VPS51: variants seen among roughly 807,000 people sequenced by gnomAD.
The protein encoded by VPS51 is VPS51 subunit of GARP complex, also known as vacuolar protein sorting-associated protein 51 homolog.
Under a neutral mutation model 65.1 loss-of-function variants are expected in VPS51, and 55 were observed. That is an observed-to-expected ratio of 0.84 (90% CI 0.68 to 1.06). The LOEUF (loss-of-function observed/expected upper bound fraction) is 1.06, where lower values mean the gene tolerates loss of function less well. Ranked by LOEUF, VPS51 falls within the 50% of genes least tolerant of loss-of-function variation. VPS51 has a pLI of 0.00. For synonymous variants in VPS51, 473 were observed against 489.5 expected, an observed-to-expected ratio of 0.97 and a Z score of 0.44; for missense variants, 943 against 1,101.6, an observed-to-expected ratio of 0.86 and a Z score of 2.04.
At position 65,096,214 on chromosome 11, in the gene VPS51, C is replaced by T. The variant is rs544525817; in HGVS notation, c.-37C>T. 51 of 1,512,860 alleles carry T rather than the reference C, an allele frequency of 3.4e-5. No homozygotes were observed. In the Admixed American group the frequency reaches 6.0e-4, roughly 18 times the overall value. 93.7% of individuals were successfully genotyped at this position (1,512,860 alleles called of 1,614,324 possible). A position where few individuals can be genotyped will look rare whatever the true frequency, so the allele number is the denominator to read the frequency against. On this transcript the variant is annotated 5_prime_UTR_variant, in exon 1 of 10. Transcript: ENST00000279281. ...GAAGTGCCTCCTCCCCGTCCCCTTCCTTTCCAGCCTCACGCCCGTGGGCTG... is the reference window on the plus strand; with the variant it reads ...GAAGTGCCTCCTCCCCGTCCCCTTCTTTTCCAGCCTCACGCCCGTGGGCTG...
At position 65,107,372 on chromosome 11, in the gene VPS51, T is replaced by C; in HGVS notation, c.359-209T>C. 1 of 648,580 alleles carries C rather than the reference T, an allele frequency of 1.5e-6. No homozygotes were observed. Among genetic ancestry groups the C allele is most frequent in the Non-Finnish European group, 2.7e-6 (1 of 368,166 alleles). 40.2% of individuals were successfully genotyped at this position (648,580 alleles called of 1,614,324 possible). On this transcript the variant is annotated intron_variant, in intron 2 of 9. Transcript: ENST00000279281. This position sits in a 1 kb window ranked among gnomAD's most constrained non-coding sequence, Gnocchi z 4.0. ...CAGGGTTAGGGGGTTACGGGGAGTA[T>C]GTGAGTAACGCCTGCTTTGGGAACA...
At position 65,096,429 on chromosome 11, in the gene VPS51, C is replaced by T. The variant is rs746159343; in HGVS notation, c.179C>T (p.Pro60Leu). Reference sequence around the variant, plus strand: ...CCCGCGGGGCCCGACCCCCTGGACCCGACTGATCTGAACGGGGCGCACTTC... The same window carrying T: ...CCCGCGGGGCCCGACCCCCTGGACCTGACTGATCTGAACGGGGCGCACTTC... ...GRPAGPDPLD[P>L]TDLNGAHFDP... Residue 60 changes from proline (P) to leucine (L), a missense_variant, in exon 1 of 10, where the codon CCG becomes CTG. This residue lies in a region of VPS51 where 855 missense variants were observed against 953.7 expected (regional missense o/e 0.90). Transcript: ENST00000279281. The T allele has an allele frequency of 1.3e-6, 2 of 1,557,182 alleles. No individual in the cohort carries two copies. Among genetic ancestry groups the T allele is most frequent in the South Asian group, 1.2e-5 (1 of 84,382 alleles).
At position 65,109,721 on chromosome 11, in the gene VPS51, C is replaced by T. The variant is rs139150785; in HGVS notation, c.1676C>T (p.Thr559Met). The T allele has an allele frequency of 8.5e-4, 1,345 of 1,574,254 alleles. 1 individual carries two copies. Among genetic ancestry groups the T allele is most frequent in the Non-Finnish European group, 1.1e-3 (1,280 of 1,159,492 alleles). ...TTGGCTCAGGATCAGTTCCCAGTGACGCCCGTGAGCACGCTGTGTGCAGAG... is the reference window on the plus strand; with the variant it reads ...TTGGCTCAGGATCAGTTCCCAGTGATGCCCGTGAGCACGCTGTGTGCAGAG... ...QFLVQDQFPVTPVSTLCAEAR... is the reference protein window; with the variant it reads ...QFLVQDQFPVMPVSTLCAEAR... Residue 559 changes from threonine to methionine, a missense_variant, in exon 7 of 10, where the codon ACG (threonine) becomes ATG (methionine). Around this residue, in one of 2 missense-constraint regions of VPS51, gnomAD observed 855 missense variants for 953.7 expected, o/e 0.90. Transcript: ENST00000279281.
Position 65,107,230 on chromosome 11 carries a change from C to G in VPS51, c.359-351C>G, listed in dbSNP as rs562231349. On this transcript the variant is annotated intron_variant, in intron 2 of 9. Transcript: ENST00000279281. This position sits in a 1 kb window ranked among gnomAD's most constrained non-coding sequence, Gnocchi z 4.0. ...AGATGCGCTTGGGAGCCAGCGGTCC[C>G]TGCCTTGGCTGCTTGTGGTCTGATG... The G allele has an allele frequency of 4.0e-6, 2 of 505,844 alleles. No individual in the cohort carries two copies. The highest frequency in any genetic ancestry group is 3.8e-5 in the African/African-American group (2 of 52,030). 31.3% of individuals were successfully genotyped at this position (505,844 alleles called of 1,614,324 possible). A position where few individuals can be genotyped will look rare whatever the true frequency, so the allele number is the denominator to read the frequency against.
chr11:65,110,439 C>A (rs1403231655), intron 7 of VPS51, 43 bp from the exon 8 acceptor site: 2 of 1,613,308 alleles, frequency 1.2e-6, no homozygotes, highest in Non-Finnish European at 1.7e-6. Context: ...CTGGTGGTTT[C>A]CCCTGACTCG....
At position 65,109,373 on chromosome 11, in the gene VPS51, G is replaced by A; in HGVS notation, c.1537G>A (p.Gly513Arg). 1.9e-6 allele frequency: 3 copies of A among 1,612,858 alleles called. No homozygotes were observed. The highest frequency in any genetic ancestry group is 2.5e-6 in the Non-Finnish European group (3 of 1,180,006). ...QTAQSFCDSPGEKGGATPPAL... is the reference protein window; with the variant it reads ...QTAQSFCDSPREKGGATPPAL... ...GGCTCAGAGCTTCTGCGACAGCCCT[G>A]GGGAGAAGGGGGGTGCCACACCACC... The change falls in exon 6 of 10, where the codon GGG becomes AGG. Residue 513 changes from glycine to arginine, a missense_variant. By Grantham distance (125) the Gly-to-Arg change is moderately radical. Around this residue, in one of 2 missense-constraint regions of VPS51, gnomAD observed 855 missense variants for 953.7 expected, o/e 0.90. Transcript: ENST00000279281.
chr11:65,106,750 C>CAA lies in VPS51; in HGVS notation c.359-817_359-816dup, dbSNP rs34281986. Among the ~76,000 whole-genome samples the CAA allele has an allele frequency of 8.1e-3, 1,061 of 131,530 alleles. 27 individuals are homozygous for CAA. In the East Asian group the frequency reaches 0.089, roughly 11 times the overall value. The allele number at this position is 131,530 out of a possible 152,430, so 86.3% of individuals were successfully genotyped here. ...TGGGCGACAGAGCGAGACTCAGTCT[C>CAA]AAAAAAAAAAAAAAAGAATAGGTGG... On this transcript the variant is annotated intron_variant, in intron 2 of 9. Transcript: ENST00000279281.
rs1480822231 is a variant in VPS51, at chr11:65,107,360, T to C, written c.359-221T>C. On this transcript the variant is annotated intron_variant, in intron 2 of 9. Transcript: ENST00000279281. The surrounding 1 kb of genome is among the most constrained non-coding windows in gnomAD (Gnocchi z 4.0). ...TCTCCTGGGCACCAGGGTTAGGGGGTTACGGGGAGTATGTGAGTAACGCCT... is the reference window on the plus strand; with the variant it reads ...TCTCCTGGGCACCAGGGTTAGGGGGCTACGGGGAGTATGTGAGTAACGCCT... The C allele has an allele frequency of 1.6e-6, 1 of 637,088 alleles. No individual in the cohort carries two copies. Among genetic ancestry groups the C allele is most frequent in the South Asian group, 1.7e-5 (1 of 57,736 alleles). The allele number at this position is 637,088 out of a possible 1,614,324, so 39.5% of individuals were successfully genotyped here.
chr11:65,110,875 G>A, intron 9 of VPS51, 94 bp downstream of exon 9: 2 of 1,478,326 alleles, frequency 1.4e-6, no homozygotes, highest in Non-Finnish European at 1.9e-6. Flanking sequence ...AGGACTCTGT[G>A]ACCAACTGGG....
intron 2 of VPS51, among the ~76,000 whole-genome samples, chr11:65,102,139 T>G (rs1380828645): frequency 6.6e-6 from 1 of 151,654 alleles, no homozygotes; most frequent in African/African-American, 2.4e-5. Context: ...TGTCTTAGGC[T>G]TCCAAGTACC....
intron 2 of VPS51, 121 bp downstream of exon 2, chr11:65,097,248 A>G: frequency 7.0e-7 from 1 of 1,423,256 alleles, no homozygotes; most frequent in Non-Finnish European, 9.6e-7. Flanking sequence ...TCCTGACATT[A>G]TTCCATTCTC....
chr11:65,108,549 C>T lies in VPS51; in HGVS notation c.1078C>T (p.Gln360Ter), dbSNP rs1947861978. The T allele has an allele frequency of 3.2e-6, 5 of 1,571,858 alleles. No individual in the cohort carries two copies. The highest frequency in any genetic ancestry group is 4.3e-6 in the Non-Finnish European group (5 of 1,166,138). The change falls in exon 5 of 10, where the codon CAG becomes TAG. Residue 360 changes from glutamine to a stop codon, truncating the protein, a stop_gained. Coordinates refer to ENST00000279281, the MANE Select transcript of VPS51 (RefSeq NM_013265.4). LOFTEE classifies it high-confidence loss of function. ...ALVERRLAQE[Q>*]GGGDNSLLVR... Reference sequence around the variant, plus strand: ...GGTGGAGCGGCGGCTGGCGCAGGAGCAGGGTGGTGGTGACAACTCACTGCT... The same window carrying T: ...GGTGGAGCGGCGGCTGGCGCAGGAGTAGGGTGGTGGTGACAACTCACTGCT...
At chr11:65,110,432 G>C in intron 7 of VPS51, 50 bp from the exon 8 acceptor site, 1 of 1,613,134 alleles carries the variant, frequency 6.2e-7, no homozygotes, top group Non-Finnish European at 8.5e-7. Flanking sequence ...CGATGGGCTG[G>C]TGGTTTCCCC....
Position 65,109,840 on chromosome 11 carries a change from G to T in VPS51, c.1795G>T (p.Asp599Tyr). Reference sequence around the variant, plus strand: ...GCTGCGCAAGAGCGTGGAGACTCGCGACTGGCTCAGCACTCTGGAGCCCCG... The same window carrying T: ...GCTGCGCAAGAGCGTGGAGACTCGCTACTGGCTCAGCACTCTGGAGCCCCG... Reference protein sequence around the residue: ...QMLRKSVETRDWLSTLEPRNV... With the variant: ...QMLRKSVETRYWLSTLEPRNV... The change falls in exon 7 of 10, where the codon GAC becomes TAC. Residue 599 changes from aspartate (D) to tyrosine (Y), a missense_variant. Physicochemically the swap from Asp to Tyr is radical, Grantham distance 160 (BLOSUM62 -3). Around this residue, in one of 2 missense-constraint regions of VPS51, gnomAD observed 855 missense variants for 953.7 expected, o/e 0.90. Transcript: ENST00000279281. 1.2e-6 allele frequency: 2 copies of T among 1,611,960 alleles called. No individual in the cohort carries two copies. Among genetic ancestry groups the T allele is most frequent in the Non-Finnish European group, 1.7e-6 (2 of 1,179,626 alleles).
Position 65,111,769 on chromosome 11 carries a change from GCCCGCGTC to G in VPS51, c.*183_*190del. ...GTTTTGAAGCTGAGGCTTCTGAGGC[GCCCGCGTC>G]GGGTCCGCCCCCGAGCGCCGATTGG... is the stretch of plus-strand genomic sequence containing the variant. On this transcript the variant is annotated 3_prime_UTR_variant, in exon 10 of 10. Transcript: ENST00000279281. 1 of 1,154,230 alleles carries G rather than the reference GCCCGCGTC, an allele frequency of 8.7e-7. No individual in the cohort carries two copies. Among genetic ancestry groups the G allele is most frequent in the South Asian group, 1.6e-5 (1 of 61,542 alleles). 71.5% of individuals were successfully genotyped at this position (1,154,230 alleles called of 1,614,324 possible).
chr11:65,107,759 C>A lies in VPS51; in HGVS notation c.505+32C>A. ...GCTGCCGGGCAGGGCCTGCAGTGGG[C>A]CTTTCCTGGGGCTCTGGGGCTAACG... On this transcript the variant is annotated intron_variant, in intron 3 of 9. Transcript: ENST00000279281. This position sits in a 1 kb window ranked among gnomAD's most constrained non-coding sequence, Gnocchi z 4.0. 6.2e-7 allele frequency: 1 copy of A among 1,604,758 alleles called. No individual in the cohort carries two copies. The highest frequency in any genetic ancestry group is 8.5e-7 in the Non-Finnish European group (1 of 1,175,696).
Position 65,109,491 on chromosome 11 carries a change from T to C in VPS51, c.1655T>C (p.Val552Ala), listed in dbSNP as rs1186831757. 43 of 1,605,420 alleles carry C rather than the reference T, an allele frequency of 2.7e-5. No individual in the cohort carries two copies. The highest frequency in any genetic ancestry group is 3.3e-5 in the Non-Finnish European group (39 of 1,179,952). ...ILTLTDEQFL[V>A]QDQFPVTPVS... ...ACTCTCACTGATGAACAGTTTCTGG[T>C]GCAGGTGAAGCACTAGCTCCTAGCC... The change falls in exon 6 of 10, where the codon GTG (valine) becomes GCG (alanine). Residue 552 changes from valine to alanine, a missense_variant. Val to Ala is a moderately conservative substitution (Grantham distance 64, BLOSUM62 0). Around this residue, in one of 2 missense-constraint regions of VPS51, gnomAD observed 855 missense variants for 953.7 expected, o/e 0.90. Coordinates refer to ENST00000279281, the MANE Select transcript of VPS51 (RefSeq NM_013265.4).
chr11:65,111,729 C>T lies in VPS51; in HGVS notation c.*142C>T. Reference sequence around the variant, plus strand: ...TCCTCCTCTCGCTTGCTGGGCGGGCCTTTCCGGGGGCGGGGTTTTGAAGCT... The same window carrying T: ...TCCTCCTCTCGCTTGCTGGGCGGGCTTTTCCGGGGGCGGGGTTTTGAAGCT... On this transcript the variant is annotated 3_prime_UTR_variant, in exon 10 of 10. Coordinates refer to ENST00000279281, the MANE Select transcript of VPS51 (RefSeq NM_013265.4). 1 of 1,353,520 alleles carries T rather than the reference C, an allele frequency of 7.4e-7. No individual in the cohort carries two copies. The highest frequency in any genetic ancestry group is 9.8e-7 in the Non-Finnish European group (1 of 1,024,788). 83.8% of individuals were successfully genotyped at this position (1,353,520 alleles called of 1,614,324 possible).
At chr11:65,101,681 T>C (rs1947808612) in intron 2 of VPS51, among the ~76,000 whole-genome samples, 1 of 144,052 alleles carries the variant, frequency 6.9e-6, no homozygotes, top group African/African-American at 2.6e-5. Context: ...GTGGAAGGCT[T>C]GTACCTGGGA....
Sources: allele counts gnomAD v4.1 joint callset (sites outside exome capture counted in the v4.1 genomes callset), GRCh38; gene constraint gnomAD v4.1.1; regional missense constraint gnomAD v4.1.1; non-coding constraint Gnocchi (gnomAD v3.1); transcripts MANE v1.5; gene names NCBI Gene and HGNC (gene_info 2026-07-23, HGNC 2026-07-21).